The following SEC63 variants were observed in gnomAD, a reference collection of about 807,000 sequenced individuals.
SEC63 encodes the protein translocation protein SEC63 homolog.
SEC63 carries 56 observed loss-of-function variants against 116.2 expected under a neutral mutation model. The observed-to-expected ratio is 0.48, with a 90% CI of 0.39 to 0.60. SEC63 has a LOEUF of 0.60. Ranked by LOEUF, SEC63 falls within the 20% of genes least tolerant of loss-of-function variation. The probability of loss-of-function intolerance (pLI) is 0.00; values close to 1 mark genes in which losing one functional copy is unlikely to be tolerated. For missense variants in SEC63, 668 were observed against 900.0 expected (o/e 0.74, Z 3.30); for synonymous variants, 273 against 294.6 (o/e 0.93, Z 0.75).
chr6:107,886,360 T>C (rs1786529046), intron 16 of SEC63, among the ~76,000 whole-genome samples: 2 of 152,240 alleles, frequency 1.3e-5, no homozygotes, highest in South Asian at 4.1e-4. Flanking sequence ...TTTATAATCC[T>C]TTGGGTATAT....
At chr6:107,925,534 G>T (rs1041330967) in intron 2 of SEC63, among the ~76,000 whole-genome samples, 3 of 152,070 alleles carry the variant, frequency 2.0e-5, no homozygotes, top group Non-Finnish European at 4.4e-5. Flanking sequence ...TAAAATAAAG[G>T]TATAAAAGAA....
intron 17 of SEC63, 97 bp downstream of exon 17, chr6:107,882,891 C>T (rs1009745238): frequency 7.6e-5 from 60 of 792,454 alleles, no homozygotes; most frequent in Non-Finnish European, 1.1e-4. Context: ...AGAAAGCAAG[C>T]GAGCAAGCAA....
intron 16 of SEC63, among the ~76,000 whole-genome samples, chr6:107,892,204 T>C (rs1786698803): frequency 1.3e-5 from 2 of 152,154 alleles, no homozygotes; most frequent in Admixed American, 1.3e-4. Context: ...TTATCTATAA[T>C]TCCCTGACTG....
At chr6:107,911,551 G>A (rs546964531) in intron 6 of SEC63, among the ~76,000 whole-genome samples, 155 bp from the exon 7 acceptor site, 3 of 152,086 alleles carry the variant, frequency 2.0e-5, no homozygotes, top group Non-Finnish European at 4.4e-5. Flanking sequence ...CCAAGAGGAA[G>A]GTACCATTAT....
intron 16 of SEC63, among the ~76,000 whole-genome samples, chr6:107,890,017 G>T (rs1245627808): frequency 6.6e-6 from 1 of 152,118 alleles, no homozygotes; most frequent in African/African-American, 2.4e-5. Flanking sequence ...TGTCAATTTT[G>T]GAATAAGTGC....
Position 107,868,224 on chromosome 6 carries a change from A to T in SEC63, c.*3480T>A, listed in dbSNP as rs74363323. ...ACCGTTTGTGGGAAAATTGTTTCTT[A>T]AAAAAAAAAAAACATTTTAAAGGAA... On this transcript the variant is annotated 3_prime_UTR_variant, in exon 21 of 21. Coordinates refer to ENST00000369002, the MANE Select transcript of SEC63 (RefSeq NM_007214.5). 1 of 710 alleles carries T rather than the reference A, an allele frequency of 1.4e-3. No individual in the cohort carries two copies. Among genetic ancestry groups the T allele is most frequent in the African/African-American group, 0.012 (1 of 84 alleles). The allele number at this position is 710 out of a possible 1,614,324, so 0.0% of individuals were successfully genotyped here.
chr6:107,896,486 A>G (rs1314685355), intron 14 of SEC63, among the ~76,000 whole-genome samples: 1 of 152,168 alleles, frequency 6.6e-6, no homozygotes, highest in East Asian at 1.9e-4. Context: ...AAGATGAAGG[A>G]AATATATGCA....
Position 107,924,903 on chromosome 6 carries a change from A to G in SEC63, c.254T>C (p.Leu85Ser), listed in dbSNP as rs774259018. The G allele has an allele frequency of 1.9e-6, 3 of 1,599,228 alleles. No homozygotes were observed. Reference protein sequence around the residue: ...KKIVLLAGWALFLFLAYKVSK... With the variant: ...KKIVLLAGWASFLFLAYKVSK... ...AACTTTATATGCAAGGAATAAGAAC[A>G]ATGCCCATCCTGCAAGCAGAACTAT... The change falls in exon 3 of 21, where the codon TTG becomes TCG. Residue 85 changes from leucine (L) to serine (S), a missense_variant. By Grantham distance (145) the Leu-to-Ser change is moderately radical. This residue lies in a region of SEC63 where 142 missense variants were observed against 169.5 expected (regional missense o/e 0.84). Coordinates refer to ENST00000369002, the MANE Select transcript of SEC63 (RefSeq NM_007214.5).
intron 13 of SEC63, among the ~76,000 whole-genome samples, chr6:107,900,974 T>C (rs1786987420): frequency 6.6e-6 from 1 of 152,174 alleles, no homozygotes; most frequent in Non-Finnish European, 1.5e-5. Flanking sequence ...TTAATTAACA[T>C]AAATAAGTTG....
intron 1 of SEC63, 138 bp from the exon 2 acceptor site, chr6:107,929,652 T>C: frequency 1.6e-6 from 1 of 612,184 alleles, no homozygotes; most frequent in Non-Finnish European, 2.9e-6. Context: ...TCAAATAGCC[T>C]TTAAAAAACT....
rs1467038042 is a variant in SEC63 at position 107,912,768 on chromosome 6, C to T, written c.521G>A (p.Ser174Asn). 6.2e-7 allele frequency: 1 copy of T among 1,610,490 alleles called. No individual in the cohort carries two copies. Among genetic ancestry groups the T allele is most frequent in the South Asian group, 1.1e-5 (1 of 90,914 alleles). Residue 174 changes from serine to asparagine, a missense_variant, in exon 6 of 21, where the codon AGC (serine) becomes AAC (asparagine). Transcript: ENST00000369002. Reference sequence around the variant, plus strand: ...CCAAGCTGGCAGGGCAATTCCAAAGCTTGTGGCTGAAATAGAAAAAATATC... The same window carrying T: ...CCAAGCTGGCAGGGCAATTCCAAAGTTTGTGGCTGAAATAGAAAAAATATC... Reference protein sequence around the residue: ...FGNPDGPQATSFGIALPAWIV... With the variant: ...FGNPDGPQATNFGIALPAWIV...
chr6:107,879,660 A>G (rs984416291), intron 18 of SEC63, among the ~76,000 whole-genome samples: 1 of 151,912 alleles, frequency 6.6e-6, no homozygotes, highest in African/African-American at 2.4e-5. Context: ...ATGATCTGAA[A>G]TGTTTACCAT....
chr6:107,925,603 TTATG>T (rs1364914237), intron 2 of SEC63, among the ~76,000 whole-genome samples: 1 of 152,126 alleles, frequency 6.6e-6, no homozygotes, highest in Non-Finnish European at 1.5e-5. Context: ...GTGAGTAAAA[TTATG>T]TAAAAGATTA....
At chr6:107,872,945 A>G (rs767526073) in intron 19 of SEC63, 33 bp from the exon 20 acceptor site, 3 of 1,378,094 alleles carry the variant, frequency 2.2e-6, no homozygotes, top group East Asian at 2.5e-5. Flanking sequence ...AAAAATCTGT[A>G]TTATGGGGAG....
chr6:107,946,914 G>C (rs1770491816), intron 1 of SEC63, among the ~76,000 whole-genome samples: 2 of 152,164 alleles, frequency 1.3e-5, no homozygotes, highest in South Asian at 4.1e-4. Context: ...TGAGGCAGGA[G>C]AATCACTTGA....
chr6:107,927,922 T>A (rs1167237707), intron 2 of SEC63, among the ~76,000 whole-genome samples: 1 of 152,214 alleles, frequency 6.6e-6, no homozygotes, highest in African/African-American at 2.4e-5. Flanking sequence ...ATTGTTGTAT[T>A]GTTATTTTTA....
At position 107,868,398 on chromosome 6, in the gene SEC63, GC is replaced by G. The variant is rs1786049076; in HGVS notation, c.*3305del. ...GTTCGAGACCAGGCTGGACAACGTG[GC>G]AAAATCCCATCTCTACTAAAAATTA... is the stretch of plus-strand genomic sequence containing the variant. On this transcript the variant is annotated 3_prime_UTR_variant, in exon 21 of 21. Transcript: ENST00000369002. The G allele has an allele frequency of 6.6e-6, 1 of 152,116 alleles. No homozygotes were observed. The highest frequency in any genetic ancestry group is 1.5e-5 in the Non-Finnish European group (1 of 68,076). 9.4% of individuals were successfully genotyped at this position (152,116 alleles called of 1,614,324 possible).
At chr6:107,895,134 A>T (rs932130947) in intron 14 of SEC63, among the ~76,000 whole-genome samples, 1 of 152,180 alleles carries the variant, frequency 6.6e-6, no homozygotes, top group African/African-American at 2.4e-5. Context: ...AGATAAAAAC[A>T]ATTCTTTTCT....
At chr6:107,913,709 C>G (rs545296685) in intron 4 of SEC63, among the ~76,000 whole-genome samples, 1 of 152,124 alleles carries the variant, frequency 6.6e-6, no homozygotes, top group Non-Finnish European at 1.5e-5. Flanking sequence ...CTCAGTTCAA[C>G]CAGATCAAAC....
Sources: allele counts gnomAD v4.1 joint callset (sites outside exome capture counted in the v4.1 genomes callset), GRCh38; gene constraint gnomAD v4.1.1; regional missense constraint gnomAD v4.1.1; transcripts MANE v1.5; gene names NCBI Gene and HGNC (gene_info 2026-07-23, HGNC 2026-07-21).